Variants in DYSF observed in about 807,000 individuals in gnomAD.
DYSF encodes the protein dystrophy-associated fer-1-like 1.
In DYSF, 212 loss-of-function variants were observed where a neutral mutation model predicts 274.9. The ratio of observed to expected loss-of-function variants is 0.77; its 90% CI spans 0.69 to 0.86. The LOEUF (loss-of-function observed/expected upper bound fraction) is 0.86, where lower values mean the gene tolerates loss of function less well. DYSF is among the 40% of genes least tolerant of loss of function. DYSF has a pLI of 0.00. For synonymous variants in DYSF, 1,091 were observed against 1,078.7 expected (o/e 1.01, Z -0.22); for missense variants, 2,666 against 2,783.2 (o/e 0.96, Z 0.95).
intron 5 of DYSF, among the ~76,000 whole-genome samples, chr2:71,512,628 C>T (rs796097383): frequency 1.3e-5 from 2 of 152,206 alleles, no homozygotes; most frequent in African/African-American, 4.8e-5. Flanking sequence ...TGTGGTCCAG[C>T]CTGCTGGGGT....
intron 45 of DYSF, among the ~76,000 whole-genome samples, chr2:71,662,026 C>T (rs3791826): frequency 6.6e-6 from 1 of 152,038 alleles, no homozygotes; most frequent in Non-Finnish European, 1.5e-5. Context: ...AGTGGGTGGG[C>T]GTGTGTCAGG....
At chr2:71,462,167 G>A (rs938888165), upstream of DYSF, among the ~76,000 whole-genome samples, 4 of 152,188 alleles carry the variant, frequency 2.6e-5, no homozygotes, top group African/African-American at 7.2e-5. Flanking sequence ...TGCGAAGGGC[G>A]AGCCAGGCAC....
chr2:71,570,461 C>T (rs2092352997), intron 28 of DYSF, 127 bp downstream of exon 28: 4 of 1,416,036 alleles, frequency 2.8e-6, no homozygotes, highest in Non-Finnish European at 3.9e-6. Context: ...TGAAGGCACC[C>T]CCCACTCCAA....
intron 12 of DYSF, among the ~76,000 whole-genome samples, chr2:71,525,291 C>G (rs1167525049): frequency 6.6e-6 from 1 of 152,114 alleles, no homozygotes; most frequent in African/African-American, 2.4e-5. Context: ...GTGGTGCAAT[C>G]TTGGCTCACT....
intron 29 of DYSF, among the ~76,000 whole-genome samples, chr2:71,572,334 C>T (rs796349865): frequency 2.0e-5 from 3 of 150,846 alleles, no homozygotes; most frequent in East Asian, 3.9e-4. Context: ...ACCCAGCACA[C>T]CCACAGATCA....
At chr2:71,618,456 T>TG (rs772644653) in intron 40 of DYSF, among the ~76,000 whole-genome samples, 256 of 77,024 alleles carry the variant, frequency 3.3e-3, no homozygotes, top group African/African-American at 0.011. Context: ...AGAGGTGGGG[T>TG]TGTGTGTGTG....
At chr2:71,543,089 C>T (rs2090089912) in intron 17 of DYSF, among the ~76,000 whole-genome samples, 1 of 56,954 alleles carries the variant, frequency 1.8e-5, no homozygotes, top group South Asian at 2.9e-4. Context: ...GGCGGAGACG[C>T]TCCTCACTTC....
intron 41 of DYSF, among the ~76,000 whole-genome samples, chr2:71,631,935 A>G (rs970281702): frequency 1.3e-5 from 2 of 152,040 alleles, no homozygotes; most frequent in Non-Finnish European, 2.9e-5. Context: ...GGCTTCCACC[A>G]TCCGGCGCTC....
chr2:71,681,688 C>T (rs77944291), intron 54 of DYSF, among the ~76,000 whole-genome samples: 2,620 of 152,298 alleles, frequency 0.017, 75 homozygotes, highest in African/African-American at 0.061. Flanking sequence ...TAGACCAAGC[C>T]AATGGATGTA....
At chr2:71,612,886 C>A in intron 39 of DYSF, 80 bp downstream of exon 39, 1 of 1,489,028 alleles carries the variant, frequency 6.7e-7, no homozygotes, top group Non-Finnish European at 9.1e-7. Context: ...TGAGATGCAT[C>A]CTGAAACCCT....
intron 52 of DYSF, among the ~76,000 whole-genome samples, chr2:71,677,633 G>A (rs2095242744): frequency 1.3e-5 from 2 of 150,926 alleles, no homozygotes; most frequent in African/African-American, 2.4e-5. Flanking sequence ...GAACCACAGT[G>A]AGGTACCACT....
intron 40 of DYSF, 75 bp from the exon 41 acceptor site, chr2:71,620,472 C>T: frequency 6.8e-6 from 10 of 1,479,404 alleles, no homozygotes; most frequent in Non-Finnish European, 7.4e-6. Flanking sequence ...GAGAGCGCTA[C>T]CTCTTGGAGA....
chr2:71,542,598 G>A lies in DYSF; in HGVS notation c.1576+3359G>A, dbSNP rs182057411. Among the ~76,000 whole-genome samples, 1,311 of 152,226 alleles carry A rather than the reference G, an allele frequency of 8.6e-3. 18 individuals are homozygous for A. Among genetic ancestry groups the A allele is most frequent in the African/African-American group, 0.029 (1,192 of 41,532 alleles). ...CTCTTATGGAGCATGCTGCCTTCAA[G>A]CATCTGTTTAACAAAGCACATCTTG... On this transcript the variant is annotated intron_variant, in intron 17 of 55. Coordinates refer to ENST00000410020, the MANE Select transcript of DYSF (RefSeq NM_001130987.2).
At chr2:71,570,866 C>G in intron 29 of DYSF, 125 bp downstream of exon 29, 1 of 1,415,642 alleles carries the variant, frequency 7.1e-7, no homozygotes. Context: ...ACACCTGGGA[C>G]TCACTGGAGG....
intron 4 of DYSF, among the ~76,000 whole-genome samples, chr2:71,507,076 G>T (rs773001552): frequency 1.3e-5 from 2 of 152,138 alleles, no homozygotes; most frequent in African/African-American, 2.4e-5. Context: ...GGCTGCTCCT[G>T]TCTGCATCCC....
At chr2:71,614,397 A>G (rs2093837711) in intron 40 of DYSF, among the ~76,000 whole-genome samples, 1 of 152,230 alleles carries the variant, frequency 6.6e-6, no homozygotes. Flanking sequence ...AAAAGTCCTC[A>G]GAAGCCCTGT....
At position 71,569,945 on chromosome 2, in the gene DYSF, C is replaced by A; in HGVS notation, c.2979+11C>A. 6.2e-7 allele frequency: 1 copy of A among 1,610,890 alleles called. No homozygotes were observed. Among genetic ancestry groups the A allele is most frequent in the South Asian group, 1.1e-5 (1 of 90,738 alleles). On this transcript the variant is annotated intron_variant, in intron 27 of 55. Coordinates refer to ENST00000410020, the MANE Select transcript of DYSF (RefSeq NM_001130987.2). ...AACTACACCGATGTGGTAAAGCAGG[C>A]ACTCAGGGGCAGGTGGGGTCTAGAC...
intron 16 of DYSF, 70 bp downstream of exon 16, chr2:71,535,381 C>T (rs573319979): frequency 5.5e-4 from 798 of 1,453,368 alleles, no homozygotes; most frequent in Non-Finnish European, 7.4e-4. Context: ...CAGTTTCATT[C>T]GGCTCAGTGA....
intron 42 of DYSF, among the ~76,000 whole-genome samples, chr2:71,647,289 A>AT (rs2094581808): frequency 6.6e-6 from 1 of 152,314 alleles, no homozygotes; most frequent in South Asian, 2.1e-4. Flanking sequence ...TGGAGAATAC[A>AT]TTTTTTCCTG....
Sources: allele counts gnomAD v4.1 joint callset (sites outside exome capture counted in the v4.1 genomes callset), GRCh38; gene constraint gnomAD v4.1.1; transcripts MANE v1.5; gene names NCBI Gene and HGNC (gene_info 2026-07-23, HGNC 2026-07-21).